The following ATP6V0A4 variants were observed in gnomAD, a reference collection of about 807,000 sequenced individuals.
The protein encoded by ATP6V0A4 is V-type proton ATPase 116 kDa subunit a 4.
In ATP6V0A4, 86 loss-of-function variants were observed where a neutral mutation model predicts 107.3. The ratio of observed to expected loss-of-function variants is 0.80; its 90% confidence interval spans 0.67 to 0.96. The LOEUF (loss-of-function observed/expected upper bound fraction) is 0.96, where lower values mean the gene tolerates loss of function less well. Ranked by LOEUF, ATP6V0A4 falls within the 40% of genes least tolerant of loss-of-function variation. The pLI, the probability that ATP6V0A4 is intolerant of heterozygous loss-of-function variation, is 0.00. For synonymous variants in ATP6V0A4, 353 were observed against 381.4 expected (o/e 0.93, Z 0.87); for missense variants, 908 against 1,045.6 (o/e 0.87, Z 1.81).
intron 5 of ATP6V0A4, among the ~76,000 whole-genome samples, chr7:138,768,333 T>C (rs1807196487): frequency 6.6e-6 from 1 of 151,996 alleles, no homozygotes; most frequent in South Asian, 2.1e-4. Context: ...ACTGCAGTCT[T>C]CTCCCAGTTG....
intron 2 of ATP6V0A4, among the ~76,000 whole-genome samples, chr7:138,783,910 T>C (rs1486493321): frequency 6.6e-6 from 1 of 152,084 alleles, no homozygotes. Flanking sequence ...AGGCCAAGCA[T>C]TAGCAAACAC....
chr7:138,711,203 T>C (rs1803723309), intron 20 of ATP6V0A4, among the ~76,000 whole-genome samples: 1 of 151,916 alleles, frequency 6.6e-6, no homozygotes, highest in South Asian at 2.1e-4. Flanking sequence ...TCGGGGAATG[T>C]TTTAAAAGGC....
At chr7:138,717,266 T>C (rs549991102) in intron 19 of ATP6V0A4, among the ~76,000 whole-genome samples, 2 of 152,112 alleles carry the variant, frequency 1.3e-5, no homozygotes, top group Non-Finnish European at 2.9e-5. Context: ...AAGGGAAAGA[T>C]CAAGGAAAGA....
intron 7 of ATP6V0A4, among the ~76,000 whole-genome samples, chr7:138,761,235 G>A (rs916775226): frequency 1.3e-5 from 2 of 152,120 alleles, no homozygotes; most frequent in Admixed American, 1.3e-4. Context: ...GCGAGGCAGA[G>A]GTAGGAAGAT....
intron 14 of ATP6V0A4, among the ~76,000 whole-genome samples, chr7:138,741,213 G>A (rs1805618996): frequency 6.6e-6 from 1 of 152,110 alleles, no homozygotes; most frequent in South Asian, 2.1e-4. Context: ...GTCTTGACAG[G>A]CTGCCCAGAA....
chr7:138,758,952 T>C (rs1246365368), intron 8 of ATP6V0A4, among the ~76,000 whole-genome samples: 1 of 151,312 alleles, frequency 6.6e-6, no homozygotes, highest in Non-Finnish European at 1.5e-5. Flanking sequence ...AGTTTCACCA[T>C]GTTGGCCAGG....
chr7:138,747,176 T>A (rs1805992097), intron 13 of ATP6V0A4, among the ~76,000 whole-genome samples: 1 of 151,954 alleles, frequency 6.6e-6, no homozygotes, highest in African/African-American at 2.4e-5. Context: ...TTAGAAAAAA[T>A]ATATAATGAA....
At chr7:138,768,724 G>A (rs1807215945) in intron 5 of ATP6V0A4, 56 bp downstream of exon 5, 5 of 1,599,532 alleles carry the variant, frequency 3.1e-6, no homozygotes, top group South Asian at 1.1e-5. Context: ...GGCCTTCAAG[G>A]AGACAGGCTT....
chr7:138,768,441 C>CACACTCAGCCCATTCAGTG (rs1227749440), intron 5 of ATP6V0A4, among the ~76,000 whole-genome samples: 3 of 152,128 alleles, frequency 2.0e-5, no homozygotes, highest in African/African-American at 7.2e-5. Flanking sequence ...CCATTATGCC[C>CACACTCAGCCCATTCAGTG]ACACTCAGCC....
intron 21 of ATP6V0A4, among the ~76,000 whole-genome samples, chr7:138,708,095 A>G (rs1364507758): frequency 1.3e-5 from 2 of 151,236 alleles, no homozygotes; most frequent in Non-Finnish European, 2.9e-5. Context: ...TCTGTTGCCC[A>G]GGCTGGAGTG....
At chr7:138,783,553 T>G (rs1183765768) in intron 2 of ATP6V0A4, among the ~76,000 whole-genome samples, 1 of 151,812 alleles carries the variant, frequency 6.6e-6, no homozygotes, top group Non-Finnish European at 1.5e-5. Context: ...TAGTGAGAAA[T>G]CATCTCTACG....
chr7:138,764,289 C>T (rs1029109952), intron 5 of ATP6V0A4, among the ~76,000 whole-genome samples: 1 of 151,676 alleles, frequency 6.6e-6, no homozygotes, highest in Non-Finnish European at 1.5e-5. Flanking sequence ...CTGTGGGTAC[C>T]GTTATCTTAC....
chr7:138,758,254 GA>G (rs1236857427), intron 8 of ATP6V0A4, among the ~76,000 whole-genome samples: 1 of 151,964 alleles, frequency 6.6e-6, no homozygotes, highest in Non-Finnish European at 1.5e-5. Flanking sequence ...ACAAAGAAAA[GA>G]AAAAAATTAT....
intron 11 of ATP6V0A4, among the ~76,000 whole-genome samples, chr7:138,750,029 A>G (rs1459524957): frequency 6.6e-6 from 1 of 152,180 alleles, no homozygotes; most frequent in African/African-American, 2.4e-5. Context: ...TTTTAATAAA[A>G]CAAACAAAAA....
At chr7:138,756,285 A>G (rs1806508340) in intron 9 of ATP6V0A4, among the ~76,000 whole-genome samples, 173 bp downstream of exon 9, 1 of 152,174 alleles carries the variant, frequency 6.6e-6, no homozygotes, top group Non-Finnish European at 1.5e-5. Context: ...AGTTCTCCCT[A>G]TTCATATTCT....
At chr7:138,755,958 C>G in intron 9 of ATP6V0A4, 176 bp from the exon 10 acceptor site, 1 of 1,160,342 alleles carries the variant, frequency 8.6e-7, no homozygotes, top group Non-Finnish European at 1.2e-6. Context: ...CCCAGTACGT[C>G]ACTTGTGCTG....
chr7:138,767,725 G>A (rs1390378074), intron 5 of ATP6V0A4, among the ~76,000 whole-genome samples: 1 of 151,108 alleles, frequency 6.6e-6, no homozygotes, highest in African/African-American at 2.4e-5. Flanking sequence ...TGAATGAGCT[G>A]TTCCACTGCC....
Position 138,709,761 on chromosome 7 carries a change from G to A in ATP6V0A4, c.2292C>T (p.Asn764=), listed in dbSNP as rs1293305419. ...CCCAGCCTCGCGTCTGAAGGCCGCT[G>A]TTCATCACCATAGTCCAGAGCACTT... ...LSEVLWTMVM[N]SGLQTRGWGG... Residue 764 remains asparagine (N), a synonymous_variant, in exon 21 of 22, where the codon AAC becomes AAT. Transcript: ENST00000310018. 6.2e-7 allele frequency: 1 copy of A among 1,613,970 alleles called. No individual in the cohort carries two copies. The highest frequency in any genetic ancestry group is 8.5e-7 in the Non-Finnish European group (1 of 1,179,980).
At chr7:138,743,630 G>A (rs1303824007) in intron 14 of ATP6V0A4, among the ~76,000 whole-genome samples, 1 of 152,126 alleles carries the variant, frequency 6.6e-6, no homozygotes, top group Non-Finnish European at 1.5e-5. Flanking sequence ...CCTTGGGAGA[G>A]GAAGAATGGG....
Sources: allele counts gnomAD v4.1 joint callset (sites outside exome capture counted in the v4.1 genomes callset), GRCh38; gene constraint gnomAD v4.1.1; transcripts MANE v1.5; gene names NCBI Gene and HGNC (gene_info 2026-07-23, HGNC 2026-07-21).